Variants in PAM observed in about 807,000 individuals in gnomAD.
PAM encodes peptidyl-glycine alpha-amidating monooxygenase.
PAM carries 72 observed loss-of-function variants against 122.1 expected under a neutral mutation model. The ratio of observed to expected loss-of-function variants is 0.59; its 90% confidence interval spans 0.49 to 0.72. PAM has a LOEUF of 0.72. PAM is among the 30% of genes least tolerant of loss of function. PAM has a pLI of 0.00. For missense variants in PAM, 1,106 were observed against 1,183.7 expected, an observed-to-expected ratio of 0.93 and a Z score of 0.96; for synonymous variants, 389 against 404.4, an observed-to-expected ratio of 0.96 and a Z score of 0.46.
intron 1 of PAM, among the ~76,000 whole-genome samples, chr5:102,793,292 A>T (rs1189220850): frequency 6.6e-6 from 1 of 152,052 alleles, no homozygotes; most frequent in Non-Finnish European, 1.5e-5. Flanking sequence ...ACTTTGGCAG[A>T]TTCGGAGGAT....
chr5:102,948,766 G>A (rs565073283), intron 9 of PAM, among the ~76,000 whole-genome samples: 1 of 152,146 alleles, frequency 6.6e-6, no homozygotes, highest in African/African-American at 2.4e-5. Context: ...ACTGCATAAT[G>A]AGCAGTGACA....
chr5:102,882,052 A>AATATATATATATAT (rs61367764), intron 3 of PAM, among the ~76,000 whole-genome samples: 1 of 62,016 alleles, frequency 1.6e-5, no homozygotes, highest in Non-Finnish European at 3.3e-5. Context: ...TCCATCGTGG[A>AATATATATATATAT]ATATATATAT....
chr5:102,923,253 T>C (rs1748079425), intron 5 of PAM, among the ~76,000 whole-genome samples: 1 of 152,222 alleles, frequency 6.6e-6, no homozygotes, highest in Non-Finnish European at 1.5e-5. Context: ...TAAGAGTCCC[T>C]GCCTCTGAGT....
intron 1 of PAM, among the ~76,000 whole-genome samples, chr5:102,829,343 T>C (rs1774673870): frequency 6.6e-6 from 1 of 151,826 alleles, no homozygotes; most frequent in African/African-American, 2.4e-5. Context: ...ATAAGAAAGC[T>C]GAAAGTGAGC....
intron 7 of PAM, among the ~76,000 whole-genome samples, chr5:102,933,338 TA>T (rs985039496): frequency 3.6e-4 from 55 of 152,212 alleles, no homozygotes; most frequent in Non-Finnish European, 3.1e-4. Context: ...ACTTTTTAAA[TA>T]AAAACATGAT....
At chr5:103,011,103 C>G (rs980043455) in intron 21 of PAM, among the ~76,000 whole-genome samples, 2 of 151,908 alleles carry the variant, frequency 1.3e-5, no homozygotes, top group East Asian at 3.9e-4. Context: ...AACAAAAAAC[C>G]CTTACAACTC....
At chr5:102,950,941 A>G (rs1032404806) in intron 12 of PAM, 121 bp downstream of exon 12, 55 of 617,470 alleles carry the variant, frequency 8.9e-5, no homozygotes, top group African/African-American at 8.8e-4. Context: ...CAATTACAAC[A>G]AACTGTGGCA....
chr5:102,949,895 AT>A lies in PAM; in HGVS notation c.725-5del. On this transcript the variant is annotated splice_region_variant and splice_polypyrimidine_tract_variant and intron_variant, in intron 10 of 25. Coordinates refer to ENST00000438793, the MANE Select transcript of PAM (RefSeq NM_001177306.2). ...TATTAAATGATTAAAATTTGTGTTT[AT>A]TACAGGTAAGGTAGTAAGTGGATAC... 6.8e-7 allele frequency: 1 copy of A among 1,462,486 alleles called. No homozygotes were observed. The highest frequency in any genetic ancestry group is 9.6e-7 in the Non-Finnish European group (1 of 1,046,570). 90.6% of individuals were successfully genotyped at this position (1,462,486 alleles called of 1,614,324 possible).
chr5:102,992,310 T>G (rs1391489636), intron 16 of PAM, among the ~76,000 whole-genome samples: 1 of 152,128 alleles, frequency 6.6e-6, no homozygotes, highest in Non-Finnish European at 1.5e-5. Flanking sequence ...CTCTGTTTCC[T>G]TGCTCTTCTT....
At chr5:102,818,028 A>G (rs1770510413) in intron 1 of PAM, among the ~76,000 whole-genome samples, 1 of 149,118 alleles carries the variant, frequency 6.7e-6, no homozygotes, top group African/African-American at 2.4e-5. Context: ...TTTTCTCAAA[A>G]AAAAAAAAAA....
In PAM at chr5:102,926,648, G is replaced by C; in HGVS notation, c.506G>C (p.Gly169Ala). The change falls in exon 7 of 26, where the codon GGG (glycine) becomes GCG (alanine). Residue 169 changes from glycine (G) to alanine (A), a missense_variant. Physicochemically the swap from Gly to Ala is moderately conservative, Grantham distance 60 (BLOSUM62 0). This residue lies in a region of PAM where 670 missense variants were observed against 690.3 expected (regional missense o/e 0.97). Coordinates refer to ENST00000438793, the MANE Select transcript of PAM (RefSeq NM_001177306.2). ...SKYFVLQVHY[G>A]DISAFRDNNK... ...TACTTTGTACTACAGGTACACTATG[G>C]GGATATTAGTGCTTTTAGAGGTAAG... 6.3e-7 allele frequency: 1 copy of C among 1,584,166 alleles called. No individual in the cohort carries two copies. The highest frequency in any genetic ancestry group is 8.7e-7 in the Non-Finnish European group (1 of 1,153,050).
intron 1 of PAM, among the ~76,000 whole-genome samples, chr5:102,765,099 T>G (rs1053156983): frequency 6.6e-6 from 1 of 152,204 alleles, no homozygotes; most frequent in Non-Finnish European, 1.5e-5. Flanking sequence ...ACAGAACCCC[T>G]CAGCCTACTC....
intron 22 of PAM, 147 bp downstream of exon 22, chr5:103,017,580 G>T (rs11960579): frequency 2.0e-5 from 12 of 598,610 alleles, no homozygotes; most frequent in Non-Finnish European, 3.2e-5. Flanking sequence ...GACCTATTTG[G>T]TGTCCATTAA....
chr5:102,854,560 G>T (rs1158354507), intron 1 of PAM, among the ~76,000 whole-genome samples: 1 of 152,118 alleles, frequency 6.6e-6, no homozygotes, highest in Non-Finnish European at 1.5e-5. Context: ...GTCCACCTCG[G>T]ATGTGTCTTA....
intron 3 of PAM, among the ~76,000 whole-genome samples, chr5:102,885,050 C>T (rs1792516654): frequency 6.8e-6 from 1 of 147,262 alleles, no homozygotes; most frequent in Non-Finnish European, 1.5e-5. Flanking sequence ...GAAGCACACA[C>T]AGTTAACACT....
intron 1 of PAM, among the ~76,000 whole-genome samples, chr5:102,772,481 TTG>T (rs1179882353): frequency 6.6e-6 from 1 of 152,122 alleles, no homozygotes; most frequent in East Asian, 1.9e-4. Flanking sequence ...GGATTGCATT[TTG>T]TGTTTTCTCA....
Position 103,003,089 on chromosome 5 carries a change from A to T in PAM, c.1670A>T (p.Asp557Val). 2 of 1,609,344 alleles carry T rather than the reference A, an allele frequency of 1.2e-6. No homozygotes were observed. Among genetic ancestry groups the T allele is most frequent in the Non-Finnish European group, 1.7e-6 (2 of 1,175,796 alleles). ...QQIGLGPIEEDTILVIDPNNA... is the reference protein window; with the variant it reads ...QQIGLGPIEEVTILVIDPNNA... ...ATAGGACTCGGACCAATTGAAGAAG[A>T]CACTATTCTTGTCATAGATCCAAAT... Residue 557 changes from aspartate to valine, a missense_variant, in exon 17 of 26, where the codon GAC becomes GTC. Physicochemically the swap from Asp to Val is radical, Grantham distance 152 (BLOSUM62 -3). Coordinates refer to ENST00000438793, the MANE Select transcript of PAM (RefSeq NM_001177306.2).
Position 102,949,955 on chromosome 5 carries a change from C to A in PAM, c.778C>A (p.Arg260=), listed in dbSNP as rs199746245. 22 of 1,586,032 alleles carry A rather than the reference C, an allele frequency of 1.4e-5. No homozygotes were observed. The highest frequency in any genetic ancestry group is 1.9e-5 in the Non-Finnish European group (22 of 1,155,492). ...VRNGQWTLIG[R]QSPQLPQAFY... ...AAATGGACAGTGGACACTGATTGGA[C>A]GGCAGAGCCCTCAGCTGCCACAGGT... Residue 260 remains arginine, a synonymous_variant, in exon 11 of 26, where the codon CGG becomes AGG. Transcript: ENST00000438793.
Position 102,961,228 on chromosome 5 carries a change from G to T in PAM, c.1161G>T (p.Gln387His). Residue 387 changes from glutamine (Q) to histidine (H), a missense_variant and splice_region_variant, in exon 14 of 26, where the codon CAG (glutamine) becomes CAT (histidine). Gln to His is a conservative substitution (Grantham distance 24). Coordinates refer to ENST00000438793, the MANE Select transcript of PAM (RefSeq NM_001177306.2). ...GAGAAGAAGAAGAAGTGTTAGACCA[G>T]GGTATGTATGCTTATTTCTATAACT... Reference protein sequence around the residue: ...PKREEEEVLDQGDFYSLLSKL... With the variant: ...PKREEEEVLDHGDFYSLLSKL... 1.3e-6 allele frequency: 2 copies of T among 1,518,544 alleles called. No individual in the cohort carries two copies. The highest frequency in any genetic ancestry group is 2.2e-5 in the South Asian group (2 of 89,042). The allele number at this position is 1,518,544 out of a possible 1,614,324, so 94.1% of individuals were successfully genotyped here. A position where few individuals can be genotyped will look rare whatever the true frequency, so the allele number is the denominator to read the frequency against.
Sources: allele counts gnomAD v4.1 joint callset (sites outside exome capture counted in the v4.1 genomes callset), GRCh38; gene constraint gnomAD v4.1.1; regional missense constraint gnomAD v4.1.1; transcripts MANE v1.5; gene names NCBI Gene and HGNC (gene_info 2026-07-23, HGNC 2026-07-21).